Variants in LMNTD1 observed in about 807,000 individuals in gnomAD.
LMNTD1 encodes the protein lamin tail domain containing 1, also known as lamin tail domain-containing protein 1.
In LMNTD1, 35 loss-of-function variants were observed where a neutral mutation model predicts 50.9. The ratio of observed to expected loss-of-function variants is 0.69; its 90% CI spans 0.53 to 0.91. The LOEUF (loss-of-function observed/expected upper bound fraction) is 0.91. Among genes scored for constraint, LMNTD1 ranks in the 40% least tolerant of loss-of-function variants. The probability of loss-of-function intolerance (pLI) is 0.00; values close to 1 mark genes in which losing one functional copy is unlikely to be tolerated. For synonymous variants in LMNTD1, 153 were observed against 161.9 expected (o/e 0.94, Z 0.42); for missense variants, 470 against 475.5 (o/e 0.99, Z 0.11).
upstream of LMNTD1, among the ~76,000 whole-genome samples, chr12:25,555,046 C>G (rs1271968664): frequency 6.9e-6 from 1 of 144,990 alleles, no homozygotes; most frequent in Non-Finnish European, 1.5e-5. Context: ...GCTTGGGTGA[C>G]AGAACCAGTC....
Position 25,560,396 on chromosome 12 carries a change from A to G in LMNTD1, c.59-13842T>C, listed in dbSNP as rs963208582. Among the ~76,000 whole-genome samples the G allele has an allele frequency of 4.6e-5, 7 of 152,122 alleles. No homozygotes were observed. In the South Asian group the frequency reaches 6.2e-4, roughly 14 times the overall value. On this transcript the variant is annotated intron_variant, in intron 1 of 7. Transcript: ENST00000445693. ...CTGAGAGCTCTGTTCTGTTCCATTGATCTATATCTCTGTTTTGGTACCAGT... is the reference window on the plus strand; with the variant it reads ...CTGAGAGCTCTGTTCTGTTCCATTGGTCTATATCTCTGTTTTGGTACCAGT...
intron 1 of LMNTD1, among the ~76,000 whole-genome samples, chr12:25,563,148 C>G (rs887189585): frequency 7.9e-5 from 12 of 152,240 alleles, no homozygotes; most frequent in Non-Finnish European, 1.8e-4. Context: ...GTCAACTTGT[C>G]AAAGTCATTC....
At chr12:25,575,583 T>TG (rs888109628) in intron 1 of LMNTD1, among the ~76,000 whole-genome samples, 30 of 152,284 alleles carry the variant, frequency 2.0e-4, no homozygotes, top group African/African-American at 6.0e-4. Context: ...AATAGCTCAA[T>TG]GGGGAAGATA....
At chr12:25,628,701 T>C (rs933281508) in intron 1 of LMNTD1, among the ~76,000 whole-genome samples, 28 of 152,018 alleles carry the variant, frequency 1.8e-4, no homozygotes, top group African/African-American at 6.5e-4. Flanking sequence ...GAAGCAAACA[T>C]TTGAGTTATG....
intron 9 of LMNTD1, among the ~76,000 whole-genome samples, chr12:25,479,104 C>T (rs1224141975): frequency 1.3e-5 from 2 of 152,112 alleles, no homozygotes; most frequent in African/African-American, 4.8e-5. Flanking sequence ...GAGTCAATCA[C>T]CCCAGCCAAC....
intron 8 of LMNTD1, among the ~76,000 whole-genome samples, chr12:25,512,929 T>G (rs1940418792): frequency 6.6e-6 from 1 of 152,092 alleles, no homozygotes; most frequent in Non-Finnish European, 1.5e-5. Context: ...TTATTGCCCA[T>G]GAGTGGTTTC....
chr12:25,506,680 A>G (rs1433287869), intron 8 of LMNTD1, among the ~76,000 whole-genome samples: 1 of 151,042 alleles, frequency 6.6e-6, no homozygotes, highest in East Asian at 1.9e-4. Context: ...TGCTGTACTC[A>G]GGGCCTTGCC....
At chr12:25,483,352 G>A (rs772225556) in intron 9 of LMNTD1, among the ~76,000 whole-genome samples, 6 of 150,798 alleles carry the variant, frequency 4.0e-5, no homozygotes, top group Non-Finnish European at 7.4e-5. Context: ...TGAGTTCAGG[G>A]GTTGAGGCTG....
chr12:25,636,278 A>G (rs1264042556), intron 1 of LMNTD1, among the ~76,000 whole-genome samples: 1 of 152,066 alleles, frequency 6.6e-6, no homozygotes, highest in Non-Finnish European at 1.5e-5. Flanking sequence ...GAACTCAAAC[A>G]AATCAGTAAG....
At chr12:25,562,858 C>A (rs989599057) in intron 1 of LMNTD1, among the ~76,000 whole-genome samples, 2 of 152,202 alleles carry the variant, frequency 1.3e-5, no homozygotes, top group African/African-American at 4.8e-5. Context: ...TTTCTCTAAA[C>A]TTCTCTTCTC....
intron 6 of LMNTD1, among the ~76,000 whole-genome samples, chr12:25,521,805 C>T (rs975637191): frequency 6.6e-6 from 1 of 152,130 alleles, no homozygotes; most frequent in African/African-American, 2.4e-5. Flanking sequence ...CAAGAAAACA[C>T]GTTCTTCAGG....
chr12:25,525,987 C>A (rs1322680923), intron 6 of LMNTD1, 112 bp downstream of exon 6: 1 of 689,626 alleles, frequency 1.5e-6, no homozygotes, highest in Non-Finnish European at 2.1e-6. Context: ...ATTTTACTGA[C>A]ATTTATGCAC....
At chr12:25,596,009 G>A (rs1332024720) in intron 1 of LMNTD1, among the ~76,000 whole-genome samples, 2 of 151,894 alleles carry the variant, frequency 1.3e-5, no homozygotes, top group East Asian at 3.8e-4. Context: ...ATAATTTCCT[G>A]GACATATAAA....
At chr12:25,571,335 GTATT>G (rs1448754133) in intron 1 of LMNTD1, among the ~76,000 whole-genome samples, 4 of 137,500 alleles carry the variant, frequency 2.9e-5, no homozygotes, top group African/African-American at 8.0e-5. Flanking sequence ...TTTCAAAAAA[GTATT>G]TTTATTTATT....
intron 1 of LMNTD1, among the ~76,000 whole-genome samples, chr12:25,625,632 GT>G (rs1227139642): frequency 1.3e-5 from 2 of 152,290 alleles, no homozygotes; most frequent in Middle Eastern, 3.4e-3. Context: ...TATTAAGCTA[GT>G]TCTTTTCAGA....
intron 9 of LMNTD1, among the ~76,000 whole-genome samples, chr12:25,481,840 C>T (rs1938454319): frequency 7.1e-6 from 1 of 141,734 alleles, no homozygotes. Context: ...GTGAGGTCAT[C>T]AACATATAGT....
At chr12:25,555,064 T>C (rs796132609), upstream of LMNTD1, among the ~76,000 whole-genome samples, 12 of 145,264 alleles carry the variant, frequency 8.3e-5, no homozygotes, top group African/African-American at 2.9e-4. Context: ...GTCTCCGTCA[T>C]TAAAAAAAAA....
chr12:25,618,617 T>C (rs2136556638), intron 1 of LMNTD1, among the ~76,000 whole-genome samples: 1 of 152,238 alleles, frequency 6.6e-6, no homozygotes, highest in African/African-American at 2.4e-5. Flanking sequence ...TTAGCACATT[T>C]AGGCCTGGAA....
At chr12:25,481,713 C>T (rs1172460890) in intron 9 of LMNTD1, among the ~76,000 whole-genome samples, 1 of 150,990 alleles carries the variant, frequency 6.6e-6, no homozygotes, top group Non-Finnish European at 1.5e-5. Flanking sequence ...GGCTAAATCC[C>T]AATAGAAATT....
Sources: allele counts gnomAD v4.1 joint callset (sites outside exome capture counted in the v4.1 genomes callset), GRCh38; gene constraint gnomAD v4.1.1; transcripts MANE v1.5; gene names NCBI Gene and HGNC (gene_info 2026-07-23, HGNC 2026-07-21).